Variants in ARHGEF26 observed in about 807,000 individuals in gnomAD.
The protein encoded by ARHGEF26 is Rho guanine nucleotide exchange factor (GEF) 26.
ARHGEF26 carries 59 observed loss-of-function variants against 89.4 expected under a neutral mutation model. The observed-to-expected ratio is 0.66, with a 90% confidence interval of 0.54 to 0.82. The LOEUF is 0.82. Ranked by LOEUF, ARHGEF26 falls within the 40% of genes least tolerant of loss-of-function variation. The pLI, the probability that ARHGEF26 is intolerant of heterozygous loss-of-function variation, is 0.00. For missense variants in ARHGEF26, 1,234 were observed against 1,085.6 expected, an observed-to-expected ratio of 1.14 and a Z score of -1.92; for synonymous variants, 500 against 428.4, an observed-to-expected ratio of 1.17 and a Z score of -2.06.
intron 4 of ARHGEF26, among the ~76,000 whole-genome samples, chr3:154,131,753 A>G (rs770094269): frequency 6.6e-6 from 1 of 152,202 alleles, no homozygotes; most frequent in Non-Finnish European, 1.5e-5. Context: ...GTGGATTTTT[A>G]TGTCAGTTAC....
chr3:154,180,028 C>G (rs1436235386), intron 6 of ARHGEF26, among the ~76,000 whole-genome samples: 1 of 152,076 alleles, frequency 6.6e-6, no homozygotes, highest in Admixed American at 6.6e-5. Context: ...TTCTAGAAGT[C>G]ACTTTTGTAT....
chr3:154,190,982 A>C (rs1713919089), intron 7 of ARHGEF26, among the ~76,000 whole-genome samples: 1 of 152,186 alleles, frequency 6.6e-6, no homozygotes, highest in African/African-American at 2.4e-5. Context: ...TATATTCACC[A>C]TTATGATACC....
intron 14 of ARHGEF26, 151 bp from the exon 15 acceptor site, chr3:154,255,180 T>TC: frequency 1.3e-6 from 1 of 767,402 alleles, no homozygotes; most frequent in Non-Finnish European, 2.1e-6. Flanking sequence ...TGTCATTCAT[T>TC]CCCCCTCGAA....
chr3:154,203,989 TATCACGGA>T (rs1714840288), intron 9 of ARHGEF26, among the ~76,000 whole-genome samples: 1 of 152,118 alleles, frequency 6.6e-6, no homozygotes, highest in South Asian at 2.1e-4. Flanking sequence ...CTGGTTTTGG[TATCACGGA>T]AATATTGGCC....
At chr3:154,160,021 A>G (rs1711562218) in intron 6 of ARHGEF26, among the ~76,000 whole-genome samples, 1 of 152,162 alleles carries the variant, frequency 6.6e-6, no homozygotes, top group Non-Finnish European at 1.5e-5. Flanking sequence ...AAACAAAGCC[A>G]TTACCTTATT....
chr3:154,256,803 T>TAA lies in ARHGEF26; in HGVS notation c.*1331_*1332dup. On this transcript the variant is annotated 3_prime_UTR_variant, in exon 15 of 15. Coordinates refer to ENST00000465093, the MANE Select transcript of ARHGEF26 (RefSeq NM_015595.4). ...TTCATTCTATTTGCACTAAAAGCCT[T>TAA]AACTTGCTGTATTCAGAGTCCCTCT... 6.7e-7 allele frequency: 1 copy of TAA among 1,501,228 alleles called. No homozygotes were observed. 93.0% of individuals were successfully genotyped at this position (1,501,228 alleles called of 1,614,324 possible).
chr3:154,221,502 A>G (rs758790711), intron 10 of ARHGEF26, among the ~76,000 whole-genome samples: 6 of 152,364 alleles, frequency 3.9e-5, no homozygotes, highest in South Asian at 4.1e-4. Context: ...TCATGAATGT[A>G]TAAAATTAAA....
chr3:154,162,898 T>A (rs1711755547), intron 6 of ARHGEF26, among the ~76,000 whole-genome samples: 2 of 152,194 alleles, frequency 1.3e-5, no homozygotes, highest in Non-Finnish European at 2.9e-5. Flanking sequence ...ACAAATGCAC[T>A]ATAATAAACG....
intron 4 of ARHGEF26, among the ~76,000 whole-genome samples, chr3:154,144,811 G>A (rs1056428679): frequency 6.6e-6 from 1 of 152,174 alleles, no homozygotes; most frequent in Non-Finnish European, 1.5e-5. Context: ...ATAGAATTAA[G>A]CTTAACAATA....
chr3:154,233,120 T>A (rs975722807), intron 11 of ARHGEF26, among the ~76,000 whole-genome samples: 8 of 152,074 alleles, frequency 5.3e-5, no homozygotes, highest in African/African-American at 1.9e-4. Flanking sequence ...TGTGAGCCAC[T>A]GCATCCAGCC....
At chr3:154,212,000 C>T (rs1334681805) in intron 9 of ARHGEF26, among the ~76,000 whole-genome samples, 2 of 152,020 alleles carry the variant, frequency 1.3e-5, no homozygotes, top group Non-Finnish European at 2.9e-5. Flanking sequence ...AGGCTAAGTA[C>T]AGCTCTGTAA....
At chr3:154,186,407 A>ATG (rs1713552724) in intron 6 of ARHGEF26, among the ~76,000 whole-genome samples, 3 of 152,158 alleles carry the variant, frequency 2.0e-5, no homozygotes, top group African/African-American at 7.2e-5. Context: ...ATAGATATAT[A>ATG]CACTTGTATG....
chr3:154,149,289 A>G, intron 4 of ARHGEF26, 100 bp from the exon 5 acceptor site: 1 of 743,248 alleles, frequency 1.3e-6, no homozygotes, highest in South Asian at 2.6e-5. Context: ...AGTTTCTCCT[A>G]ATTCATTTTT....
chr3:154,208,859 G>GGATTCAA (rs1038957475), intron 9 of ARHGEF26, among the ~76,000 whole-genome samples: 1 of 146,590 alleles, frequency 6.8e-6, no homozygotes, highest in African/African-American at 2.5e-5. Context: ...TCCGCCTACC[G>GGATTCAA]GATTCAAGCG....
chr3:154,194,370 A>G (rs1012969799), intron 8 of ARHGEF26, among the ~76,000 whole-genome samples: 4 of 152,218 alleles, frequency 2.6e-5, no homozygotes, highest in Non-Finnish European at 4.4e-5. Context: ...CTTGCTCAAG[A>G]TTTGATAACT....
intron 10 of ARHGEF26, among the ~76,000 whole-genome samples, chr3:154,221,574 A>G (rs1716134454): frequency 6.6e-6 from 1 of 152,228 alleles, no homozygotes; most frequent in Admixed American, 6.5e-5. Context: ...AAAACATCTA[A>G]ATATCTATCA....
At chr3:154,137,904 C>G (rs1719114347) in intron 4 of ARHGEF26, among the ~76,000 whole-genome samples, 1 of 152,012 alleles carries the variant, frequency 6.6e-6, no homozygotes, top group African/African-American at 2.4e-5. Flanking sequence ...CAATCCCAGT[C>G]TCTATCCCCT....
At chr3:154,137,763 GC>G (rs1288109888) in intron 4 of ARHGEF26, among the ~76,000 whole-genome samples, 1 of 150,390 alleles carries the variant, frequency 6.6e-6, no homozygotes, top group Non-Finnish European at 1.5e-5. Context: ...GATCTCTTGA[GC>G]CCAGGAGTTT....
At chr3:154,162,657 T>G (rs1412061240) in intron 6 of ARHGEF26, among the ~76,000 whole-genome samples, 1 of 151,934 alleles carries the variant, frequency 6.6e-6, no homozygotes, top group African/African-American at 2.4e-5. Context: ...ATGTGCACAT[T>G]AGGTGAATTG....
Sources: gnomAD v4.1 joint callset for allele counts (sites outside exome capture counted in the v4.1 genomes callset) on GRCh38, gnomAD v4.1.1 for gene constraint, MANE v1.5 for transcripts, NCBI Gene and HGNC (gene_info 2026-07-23, HGNC 2026-07-21) for gene names.